The following ZEB1 variants were observed in gnomAD, a reference collection of about 807,000 sequenced individuals.
The protein encoded by ZEB1 is zinc finger E-box binding homeobox 1.
In ZEB1, 21 loss-of-function variants were observed where a neutral mutation model predicts 84.9. The observed-to-expected ratio is 0.25, with a 90% confidence interval of 0.18 to 0.36. The LOEUF (loss-of-function observed/expected upper bound fraction) is 0.36. Ranked by LOEUF, ZEB1 falls within the 10% of genes least tolerant of loss-of-function variation. ZEB1 has a pLI of 1.00. For synonymous variants in ZEB1, 420 were observed against 471.1 expected (o/e 0.89, Z 1.41); for missense variants, 1,104 against 1,330.2 (o/e 0.83, Z 2.65).
intron 2 of ZEB1, 94 bp from the exon 3 acceptor site, chr10:31,495,682 T>A (rs2067125210): frequency 4.7e-6 from 6 of 1,268,610 alleles, no homozygotes; most frequent in Non-Finnish European, 6.9e-6. Flanking sequence ...AATGATCAGA[T>A]CAGAGTAATT....
chr10:31,319,627 C>T, intron 1 of ZEB1: 2 of 333,360 alleles, frequency 6.0e-6, no homozygotes, highest in South Asian at 5.3e-5. Flanking sequence ...GACGCACTGG[C>T]CACTTTTCTG....
intron 1 of ZEB1, among the ~76,000 whole-genome samples, chr10:31,385,395 CT>C (rs1231995419): frequency 1.3e-5 from 2 of 152,266 alleles, no homozygotes; most frequent in Middle Eastern, 3.4e-3. Context: ...GTTGTTTCTT[CT>C]GATTCTACTG....
intron 1 of ZEB1, among the ~76,000 whole-genome samples, chr10:31,341,580 A>G (rs888953941): frequency 3.3e-5 from 5 of 152,178 alleles, no homozygotes; most frequent in African/African-American, 1.2e-4. Context: ...GCTGTGGGAT[A>G]TAGATGGGGG....
intron 1 of ZEB1, among the ~76,000 whole-genome samples, chr10:31,446,746 GT>G (rs1384684799): frequency 6.6e-6 from 1 of 151,600 alleles, no homozygotes; most frequent in Non-Finnish European, 1.5e-5. Flanking sequence ...TTAATCCTGA[GT>G]TCTAGTTTGA....
chr10:31,489,907 C>G (rs963406974), intron 2 of ZEB1, among the ~76,000 whole-genome samples: 1 of 151,408 alleles, frequency 6.6e-6, no homozygotes, highest in African/African-American at 2.4e-5. Context: ...CAGCAATGAA[C>G]TATACTTTTT....
At chr10:31,407,662 A>T (rs1360513981) in intron 1 of ZEB1, among the ~76,000 whole-genome samples, 1 of 152,210 alleles carries the variant, frequency 6.6e-6, no homozygotes. Flanking sequence ...ATCTCAATAG[A>T]TGCAGAAAAG....
intron 1 of ZEB1, among the ~76,000 whole-genome samples, chr10:31,424,145 A>G (rs545714793): frequency 6.6e-6 from 1 of 151,992 alleles, no homozygotes; most frequent in African/African-American, 2.4e-5. Context: ...TTTCTCTAAT[A>G]TGTGTTTACG....
rs1314955854 is a variant in ZEB1, at chr10:31,527,844, A to G, written c.*580A>G. 6.5e-6 allele frequency: 1 copy of G among 154,054 alleles called. No individual in the cohort carries two copies. Among genetic ancestry groups the G allele is most frequent in the Non-Finnish European group, 1.4e-5 (1 of 69,030 alleles). 9.5% of individuals were successfully genotyped at this position (154,054 alleles called of 1,614,324 possible). A position where few individuals can be genotyped will look rare whatever the true frequency, so the allele number is the denominator to read the frequency against. Reference sequence around the variant, plus strand: ...CTACCTTTTATAAATTCAGTCTAGAAGGTAGTAATTTCTAATATTTAGATG... The same window carrying G: ...CTACCTTTTATAAATTCAGTCTAGAGGGTAGTAATTTCTAATATTTAGATG... On this transcript the variant is annotated 3_prime_UTR_variant, in exon 9 of 9. Coordinates refer to ENST00000424869, the MANE Select transcript of ZEB1 (RefSeq NM_001174096.2).
intron 1 of ZEB1, among the ~76,000 whole-genome samples, chr10:31,355,428 CAG>C (rs1302163659): frequency 6.6e-6 from 1 of 152,124 alleles, no homozygotes; most frequent in Non-Finnish European, 1.5e-5. Context: ...GTAAACAAGA[CAG>C]ATATCTTTCC....
intron 1 of ZEB1, among the ~76,000 whole-genome samples, chr10:31,390,778 C>T (rs1471112368): frequency 6.6e-6 from 1 of 152,200 alleles, no homozygotes; most frequent in South Asian, 2.1e-4. Context: ...TAATTCTTAG[C>T]TCTGGTGTTG....
Position 31,389,308 on chromosome 10 carries a change from C to A in ZEB1, c.58+70016C>A, listed in dbSNP as rs186907841. Among the ~76,000 whole-genome samples the A allele has an allele frequency of 8.5e-5, 13 of 152,210 alleles. No individual in the cohort carries two copies. The East Asian group carries it at 2.5e-3, about 29-fold the overall frequency. On this transcript the variant is annotated intron_variant, in intron 1 of 8. Transcript: ENST00000424869. ...GTACCGAGGGCTTCTTCCATTGAAA[C>A]TAATATCTGGGAGAAGATTTGATTT... is the stretch of plus-strand genomic sequence containing the variant.
chr10:31,409,763 C>G (rs370621461), intron 1 of ZEB1, among the ~76,000 whole-genome samples: 280 of 152,298 alleles, frequency 1.8e-3, no homozygotes, highest in African/African-American at 6.4e-3. Context: ...ACTTTATTCT[C>G]TTTGTAGCAG....
In ZEB1 at chr10:31,391,262, TGTGTGTGTGTGTGTGA is replaced by T. The variant is rs1023210621; in HGVS notation, c.59-69773_59-69758del. ...GTGTGTGTGTGTGTGTGTGTGTGTG[TGTGTGTGTGTGTGTGA>T]GATCCAATAATTATTTCTAAATAAG... On this transcript the variant is annotated intron_variant, in intron 1 of 8. Transcript: ENST00000424869. Among the ~76,000 whole-genome samples the T allele has an allele frequency of 6.1e-5, 9 of 146,734 alleles. No homozygotes were observed. In the East Asian group the frequency reaches 8.0e-4, roughly 13 times the overall value.
At chr10:31,345,485 C>T (rs1454146870) in intron 1 of ZEB1, among the ~76,000 whole-genome samples, 1 of 152,030 alleles carries the variant, frequency 6.6e-6, no homozygotes, top group Non-Finnish European at 1.5e-5. Context: ...GAGTTGTCCA[C>T]CTGTATAAAA....
intron 1 of ZEB1, among the ~76,000 whole-genome samples, chr10:31,427,906 G>A (rs186924447): frequency 5.6e-4 from 84 of 150,758 alleles, no homozygotes; most frequent in Non-Finnish European, 1.0e-4. Flanking sequence ...TTGTATTTCT[G>A]TGGGGTCAGT....
At chr10:31,368,455 C>G (rs577520997) in intron 1 of ZEB1, among the ~76,000 whole-genome samples, 1 of 152,300 alleles carries the variant, frequency 6.6e-6, no homozygotes, top group East Asian at 1.9e-4. Context: ...CTGCACCCAC[C>G]CATCCTCTTG....
chr10:31,439,115 G>A (rs766708090), intron 1 of ZEB1, among the ~76,000 whole-genome samples: 4 of 152,166 alleles, frequency 2.6e-5, no homozygotes, highest in South Asian at 2.1e-4. Flanking sequence ...TCATTTGTAT[G>A]TCCTAGACAT....
intron 6 of ZEB1, among the ~76,000 whole-genome samples, chr10:31,515,726 A>G (rs1420028363): frequency 6.6e-6 from 1 of 152,082 alleles, no homozygotes; most frequent in Non-Finnish European, 1.5e-5. Context: ...GCTCAAACCA[A>G]GATCCTTACC....
At chr10:31,438,308 GACTA>G (rs1346332734) in intron 1 of ZEB1, among the ~76,000 whole-genome samples, 1 of 152,072 alleles carries the variant, frequency 6.6e-6, no homozygotes, top group African/African-American at 2.4e-5. Flanking sequence ...ACTTTAAATA[GACTA>G]CTATCTTTCA....
Sources: allele counts gnomAD v4.1 joint callset (sites outside exome capture counted in the v4.1 genomes callset), GRCh38; gene constraint gnomAD v4.1.1; transcripts MANE v1.5; gene names NCBI Gene and HGNC (gene_info 2026-07-23, HGNC 2026-07-21).